The following LARGE1 variants were observed in gnomAD, a reference collection of about 807,000 sequenced individuals.
LARGE1 encodes the protein LARGE xylosyl- and glucuronyltransferase 1.
In LARGE1, 43 loss-of-function variants were observed where a neutral mutation model predicts 87.6. The observed-to-expected ratio is 0.49, with a 90% confidence interval of 0.38 to 0.63. LARGE1 has a LOEUF of 0.63. LARGE1 is among the 30% of genes least tolerant of loss of function. The pLI is 0.00. For missense variants in LARGE1, 802 were observed against 1,000.2 expected (o/e 0.80, Z 2.67); for synonymous variants, 434 against 394.6 (o/e 1.10, Z -1.18).
intron 4 of LARGE1, among the ~76,000 whole-genome samples, chr22:33,620,151 A>T (rs961877290): frequency 6.6e-6 from 1 of 152,236 alleles, no homozygotes; most frequent in Non-Finnish European, 1.5e-5. Context: ...CACGTCCTTC[A>T]GGGGCACAAG....
intron 11 of LARGE1, among the ~76,000 whole-genome samples, chr22:33,168,100 C>T: frequency 6.6e-6 from 1 of 152,140 alleles, no homozygotes; most frequent in East Asian, 1.9e-4. Flanking sequence ...GCTGTGGGGT[C>T]TAAGGCTTGG....
intron 9 of LARGE1, among the ~76,000 whole-genome samples, 188 bp from the exon 10 acceptor site, chr22:33,337,989 TGCCTCTGCTCTAG>T (rs1470855847): frequency 6.6e-5 from 10 of 152,312 alleles, no homozygotes; most frequent in South Asian, 2.1e-4. Flanking sequence ...GATCAAACCC[TGCCTCTGCTCTAG>T]GTAGTCCTTT....
At position 33,811,005 on chromosome 22, in the gene LARGE1, G is replaced by A. The variant is rs112551222; in HGVS notation, c.-82-49447C>T. On this transcript the variant is annotated intron_variant, in intron 1 of 14. Transcript: ENST00000397394. ...CCAAAGTGATTTTTTTGTTCTATGCGAGATTTGTTACTGCAGCATAACCTA... is the reference window on the plus strand; with the variant it reads ...CCAAAGTGATTTTTTTGTTCTATGCAAGATTTGTTACTGCAGCATAACCTA... Among the ~76,000 whole-genome samples the A allele has an allele frequency of 4.6e-3, 693 of 152,176 alleles. 3 individuals carry two copies. Among genetic ancestry groups the A allele is most frequent in the African/African-American group, 0.015 (636 of 41,530 alleles).
the LARGE1 span, among the ~76,000 whole-genome samples, chr22:33,117,837 T>C: frequency 6.6e-6 from 1 of 152,230 alleles, no homozygotes; most frequent in Admixed American, 6.5e-5. Context: ...ATTATGTCTC[T>C]GTGAACAAAT....
intron 1 of LARGE1, among the ~76,000 whole-genome samples, chr22:33,789,010 G>A (rs746755316): frequency 2.6e-5 from 4 of 152,182 alleles, no homozygotes; most frequent in African/African-American, 9.7e-5. Context: ...AAGTAATGAG[G>A]AGCCAAATGT....
chr22:33,263,189 G>A (rs1020002198), intron 11 of LARGE1, among the ~76,000 whole-genome samples: 3 of 152,022 alleles, frequency 2.0e-5, no homozygotes, highest in Non-Finnish European at 2.9e-5. Flanking sequence ...CACTGTGCCC[G>A]GCCGACATCC....
At chr22:33,130,072 T>C in the LARGE1 span, among the ~76,000 whole-genome samples, 3 of 152,064 alleles carry the variant, frequency 2.0e-5, no homozygotes, top group Non-Finnish European at 4.4e-5. Context: ...CCCAGCACTT[T>C]GGGAGGCCAA....
intron 11 of LARGE1, among the ~76,000 whole-genome samples, chr22:33,241,962 T>G (rs777441660): frequency 6.6e-6 from 1 of 152,116 alleles, no homozygotes; most frequent in Non-Finnish European, 1.5e-5. Flanking sequence ...CTATAATTAA[T>G]AATGCATTAC....
At chr22:33,703,892 T>C (rs927543354) in intron 2 of LARGE1, among the ~76,000 whole-genome samples, 6 of 152,160 alleles carry the variant, frequency 3.9e-5, no homozygotes, top group Non-Finnish European at 8.8e-5. Flanking sequence ...AAAACTAACA[T>C]ATATGTGTTA....
Position 33,274,431 on chromosome 22 carries a change from CTGT to C in LARGE1, c.2264_2266del (p.Asn755del), listed in dbSNP as rs749216721. On this transcript the variant is annotated inframe_deletion, in exon 15 of 15. Coordinates refer to ENST00000397394, the MANE Select transcript of LARGE1 (RefSeq NM_133642.5). ...CTAGTGGTGGGCTTCTTGGTGCTAG[CTGT>C]TGTTCTCGGCTGTGAGATATTTCAG... 7.4e-6 allele frequency: 12 copies of C among 1,614,206 alleles called. No homozygotes were observed. The East Asian group carries it at 1.1e-4, about 15-fold the overall frequency.
chr22:33,486,530 C>CAG (rs3831695), intron 6 of LARGE1, among the ~76,000 whole-genome samples: 78 of 150,162 alleles, frequency 5.2e-4, no homozygotes, highest in African/African-American at 3.2e-4. Context: ...GAGAGAGAGA[C>CAG]AGAGAGAGAG....
chr22:33,885,317 G>A (rs1569012194), intron 1 of LARGE1, among the ~76,000 whole-genome samples: 2 of 152,296 alleles, frequency 1.3e-5, no homozygotes, highest in Middle Eastern at 3.4e-3. Context: ...GACCCTCTGC[G>A]GAGGGGGCAG....
chr22:33,153,542 G>A, the LARGE1 span, among the ~76,000 whole-genome samples: 1 of 152,196 alleles, frequency 6.6e-6, no homozygotes, highest in Non-Finnish European at 1.5e-5. Flanking sequence ...TTGTGGGTGA[G>A]TTGAAATTTC....
Position 33,564,814 on chromosome 22 carries a change from G to T in LARGE1, c.787+34C>A, listed in dbSNP as rs768521721. On this transcript the variant is annotated intron_variant, in intron 6 of 14. Coordinates refer to ENST00000397394, the MANE Select transcript of LARGE1 (RefSeq NM_133642.5). ...TTCTTGGCATGCTGATACCTACAAG[G>T]ATATCGGGGAAAAAACGAATGGGCT... The T allele has an allele frequency of 5.0e-6, 8 of 1,611,092 alleles. No individual in the cohort carries two copies. In the Admixed American group the frequency reaches 6.7e-5, roughly 13 times the overall value.
intron 11 of LARGE1, among the ~76,000 whole-genome samples, chr22:33,218,328 A>G (rs985696558): frequency 1.8e-4 from 27 of 152,116 alleles, no homozygotes; most frequent in African/African-American, 6.0e-4. Context: ...CATCCTCTGC[A>G]TATTTTTTGT....
Position 33,520,665 on chromosome 22 carries a change from A to G in LARGE1, c.787+44183T>C, listed in dbSNP as rs1406444426. Among the ~76,000 whole-genome samples the G allele has an allele frequency of 5.3e-5, 8 of 152,226 alleles. 1 individual carries two copies. The highest frequency in any genetic ancestry group is 6.3e-3 in the Middle Eastern group (2 of 316). ...CAGTCTGCTCTGCCTGACTCCCGGA[A>G]GTGTTCTGCGTCTTTCTGTCCTGGT... On this transcript the variant is annotated intron_variant, in intron 6 of 14. Coordinates refer to ENST00000397394, the MANE Select transcript of LARGE1 (RefSeq NM_133642.5).
At chr22:33,124,072 A>T in the LARGE1 span, among the ~76,000 whole-genome samples, 1 of 152,154 alleles carries the variant, frequency 6.6e-6, no homozygotes, top group East Asian at 1.9e-4. Flanking sequence ...GGATCACTTG[A>T]GGTCAGGAGC....
chr22:33,289,183 C>T (rs911967880), intron 12 of LARGE1, among the ~76,000 whole-genome samples: 1 of 152,172 alleles, frequency 6.6e-6, no homozygotes, highest in African/African-American at 2.4e-5. Flanking sequence ...TGGTCTCGAT[C>T]TCCTGACCTC....
intron 2 of LARGE1, among the ~76,000 whole-genome samples, chr22:33,728,036 G>C (rs1044895241): frequency 1.3e-5 from 2 of 152,124 alleles, no homozygotes; most frequent in African/African-American, 4.8e-5. Flanking sequence ...TATAAACAGA[G>C]AGAAAACCCA....
Sources: gnomAD v4.1 joint callset for allele counts (sites outside exome capture counted in the v4.1 genomes callset) on GRCh38, gnomAD v4.1.1 for gene constraint, MANE v1.5 for transcripts, NCBI Gene and HGNC (gene_info 2026-07-23, HGNC 2026-07-21) for gene names.